KIRREL3: variants seen among roughly 807,000 people sequenced by gnomAD.
The protein encoded by KIRREL3 is kin of IRRE-like protein 3.
Under a neutral mutation model 89.7 loss-of-function variants are expected in KIRREL3, and 36 were observed. That is an observed-to-expected ratio of 0.40 (90% CI 0.31 to 0.53). The LOEUF is 0.53. Ranked by LOEUF, KIRREL3 falls within the 20% of genes least tolerant of loss-of-function variation. The pLI, the probability that KIRREL3 is intolerant of heterozygous loss-of-function variation, is 0.49. For missense variants in KIRREL3, 864 were observed against 1,056.6 expected, an observed-to-expected ratio of 0.82 and a Z score of 2.53; for synonymous variants, 445 against 441.4, an observed-to-expected ratio of 1.01 and a Z score of -0.10.
At position 126,669,303 on chromosome 11, in the gene KIRREL3, A is replaced by G. The variant is rs1489823324; in HGVS notation, c.56-106391T>C. On this transcript the variant is annotated intron_variant, in intron 1 of 16. Transcript: ENST00000525144. This position sits in a 1 kb window ranked among gnomAD's most constrained non-coding sequence, Gnocchi z 5.0. ...ACTGAGTGAAGTTTTCCTTCAGCGT[A>G]TTTCAAACACGTGCAAGATCTTCCT... Among the ~76,000 whole-genome samples the G allele has an allele frequency of 6.6e-6, 1 of 152,102 alleles. No individual in the cohort carries two copies. Among genetic ancestry groups the G allele is most frequent in the African/African-American group, 2.4e-5 (1 of 41,386 alleles).
At chr11:126,974,416 TTA>T (rs1949512401) in intron 1 of KIRREL3, among the ~76,000 whole-genome samples, 1 of 151,888 alleles carries the variant, frequency 6.6e-6, no homozygotes, top group Non-Finnish European at 1.5e-5. Context: ...GTGTAGCCTA[TTA>T]CACACCTAGG....
intron 13 of KIRREL3, 73 bp downstream of exon 13, chr11:126,435,195 G>C: frequency 6.6e-7 from 1 of 1,526,358 alleles, no homozygotes; most frequent in Admixed American, 1.7e-5. Context: ...ACCCCCTGCT[G>C]GGTTCCCTCC....
chr11:126,828,823 G>C (rs566738483), intron 1 of KIRREL3, among the ~76,000 whole-genome samples: 4 of 152,316 alleles, frequency 2.6e-5, no homozygotes, highest in Non-Finnish European at 5.9e-5. Context: ...TTTAAGATCA[G>C]AGCTTAGCCA....
intron 1 of KIRREL3, among the ~76,000 whole-genome samples, chr11:126,834,195 T>G (rs1943702700): frequency 6.6e-6 from 1 of 152,176 alleles, no homozygotes; most frequent in African/African-American, 2.4e-5. Context: ...TTTTAGTGCT[T>G]TCTGATCCCA....
In KIRREL3 at chr11:126,555,938, C is replaced by T. The variant is rs1327096729; in HGVS notation, c.133+6897G>A. 6.6e-6 allele frequency among the ~76,000 whole-genome samples: 1 copy of T among 152,100 alleles called. No individual in the cohort carries two copies. The highest frequency in any genetic ancestry group is 1.9e-4 in the East Asian group (1 of 5,172). ...TGTGTTTTTGGTAGAGGTGGGGTTTCACTATTTTGGCCAGGCTGGTCTCAA... is the reference window on the plus strand; with the variant it reads ...TGTGTTTTTGGTAGAGGTGGGGTTTTACTATTTTGGCCAGGCTGGTCTCAA... On this transcript the variant is annotated intron_variant, in intron 2 of 16. Coordinates refer to ENST00000525144, the MANE Select transcript of KIRREL3 (RefSeq NM_032531.4). This position sits in a 1 kb window ranked among gnomAD's most constrained non-coding sequence, Gnocchi z 4.2.
At chr11:126,446,045 G>GTCCT (rs1955784789) in intron 9 of KIRREL3, among the ~76,000 whole-genome samples, 1 of 151,598 alleles carries the variant, frequency 6.6e-6, no homozygotes, top group Non-Finnish European at 1.5e-5. Flanking sequence ...CTACTCAGGA[G>GTCCT]GCTGAGGCAG....
rs1274214792 is a variant in KIRREL3 at position 126,541,261 on chromosome 11, C to A, written c.134-14574G>T. Among the ~76,000 whole-genome samples the A allele has an allele frequency of 1.3e-5, 2 of 152,176 alleles. No homozygotes were observed. The highest frequency in any genetic ancestry group is 3.9e-4 in the East Asian group (2 of 5,178). On this transcript the variant is annotated intron_variant, in intron 2 of 16. Coordinates refer to ENST00000525144, the MANE Select transcript of KIRREL3 (RefSeq NM_032531.4). The surrounding 1 kb of genome is among the most constrained non-coding windows in gnomAD (Gnocchi z 4.8). ...AAGGTACCAGTTGATGCTGCCTCTGCCACCTCTTAGCTGTGTGCCCTTGGG... is the reference window on the plus strand; with the variant it reads ...AAGGTACCAGTTGATGCTGCCTCTGACACCTCTTAGCTGTGTGCCCTTGGG...
intron 2 of KIRREL3, among the ~76,000 whole-genome samples, chr11:126,560,375 A>C (rs946426928): frequency 5.9e-5 from 9 of 152,216 alleles, no homozygotes; most frequent in African/African-American, 1.9e-4. Flanking sequence ...GCACTCCCAA[A>C]TAGAGCAAAC....
chr11:126,598,194 T>C (rs1241114565), intron 1 of KIRREL3, among the ~76,000 whole-genome samples: 3 of 152,238 alleles, frequency 2.0e-5, no homozygotes, highest in African/African-American at 4.8e-5. Context: ...AAGTGCTCAG[T>C]AGTGTGTGTC....
In KIRREL3 at chr11:126,969,502, G is replaced by C. The variant is rs1304712404; in HGVS notation, c.55+30953C>G. Among the ~76,000 whole-genome samples the C allele has an allele frequency of 6.6e-6, 1 of 152,186 alleles. No individual in the cohort carries two copies. The highest frequency in any genetic ancestry group is 2.1e-4 in the South Asian group (1 of 4,822). ...TGTGAACCAGGGGAAGAGGGAGTAA[G>C]AACGTCTCCTGAGGGCGGAGGCTGT... On this transcript the variant is annotated intron_variant, in intron 1 of 16. Coordinates refer to ENST00000525144, the MANE Select transcript of KIRREL3 (RefSeq NM_032531.4). This position sits in a 1 kb window ranked among gnomAD's most constrained non-coding sequence, Gnocchi z 4.9.
At chr11:126,841,609 A>G (rs1301389708) in intron 1 of KIRREL3, among the ~76,000 whole-genome samples, 1 of 152,234 alleles carries the variant, frequency 6.6e-6, no homozygotes, top group Non-Finnish European at 1.5e-5. Context: ...TTGATCTTGT[A>G]TCCCCAGGAC....
At chr11:126,577,765 TA>T (rs371522742) in intron 1 of KIRREL3, among the ~76,000 whole-genome samples, 3,017 of 141,998 alleles carry the variant, frequency 0.021, 66 homozygotes, top group African/African-American at 0.066. Flanking sequence ...CTGTCTCAAT[TA>T]AAAAAAAAAA....
At position 126,814,886 on chromosome 11, in the gene KIRREL3, A is replaced by G. The variant is rs1382359749; in HGVS notation, c.55+185569T>C. On this transcript the variant is annotated intron_variant, in intron 1 of 16. Transcript: ENST00000525144. This position sits in a 1 kb window ranked among gnomAD's most constrained non-coding sequence, Gnocchi z 4.4. ...GCGAACCACCATGGCACACGTATCT[A>G]TGTAACAAACCTGCACATCCTGCCC... Among the ~76,000 whole-genome samples the G allele has an allele frequency of 1.3e-5, 2 of 152,314 alleles. No individual in the cohort carries two copies. Among genetic ancestry groups the G allele is most frequent in the Admixed American group, 1.3e-4 (2 of 15,298 alleles).
Position 126,677,156 on chromosome 11 carries a change from A to C in KIRREL3, c.56-114244T>G, listed in dbSNP as rs530606341. On this transcript the variant is annotated intron_variant, in intron 1 of 16. Transcript: ENST00000525144. The surrounding 1 kb of genome is among the most constrained non-coding windows in gnomAD (Gnocchi z 5.1). Reference sequence around the variant, plus strand: ...ATATTCGCAGATTTGCACAACCACCACCACAGTCCATTTAGAACCTTTTAA... The same window carrying C: ...ATATTCGCAGATTTGCACAACCACCCCCACAGTCCATTTAGAACCTTTTAA... Among the ~76,000 whole-genome samples the C allele has an allele frequency of 5.9e-5, 9 of 151,972 alleles. 1 individual carries two copies. In the South Asian group the frequency reaches 6.2e-4, roughly 11 times the overall value.
chr11:126,471,357 T>TG lies in KIRREL3; in HGVS notation c.591+1951dup, dbSNP rs1415415893. 6.8e-6 allele frequency among the ~76,000 whole-genome samples: 1 copy of TG among 148,038 alleles called. No homozygotes were observed. Among genetic ancestry groups the TG allele is most frequent in the African/African-American group, 2.5e-5 (1 of 40,220 alleles). ...TGCACTCCAGTCTGGGCAACAAGAG[T>TG]GAAACTCTGTCTCAAAATAAATAAA... On this transcript the variant is annotated intron_variant, in intron 5 of 16. Coordinates refer to ENST00000525144, the MANE Select transcript of KIRREL3 (RefSeq NM_032531.4). This position sits in a 1 kb window ranked among gnomAD's most constrained non-coding sequence, Gnocchi z 5.4.
In KIRREL3 at chr11:126,570,967, C is replaced by G. The variant is rs1429693176; in HGVS notation, c.56-8055G>C. ...TTCACCCTCACAACACCTTTATGAT[C>G]ACAGGTGTTATTCTCCTTGTTGTTA... On this transcript the variant is annotated intron_variant, in intron 1 of 16. Transcript: ENST00000525144. This position sits in a 1 kb window ranked among gnomAD's most constrained non-coding sequence, Gnocchi z 6.1. Among the ~76,000 whole-genome samples the G allele has an allele frequency of 6.6e-6, 1 of 152,184 alleles. No homozygotes were observed. The highest frequency in any genetic ancestry group is 1.5e-5 in the Non-Finnish European group (1 of 68,020).
Position 126,937,622 on chromosome 11 carries a change from C to T in KIRREL3, c.55+62833G>A, listed in dbSNP as rs528265766. ...ATGCCATAAAAAAACAGCAGTTGGC[C>T]GGGCGTGGTGGCTCATGCCTGTAAT... On this transcript the variant is annotated intron_variant, in intron 1 of 16. Transcript: ENST00000525144. 4.5e-4 allele frequency among the ~76,000 whole-genome samples: 68 copies of T among 152,298 alleles called. No homozygotes were observed. The South Asian group carries it at 0.011, about 25-fold the overall frequency.
In KIRREL3 at chr11:126,553,619, C is replaced by T. The variant is rs148551611; in HGVS notation, c.133+9216G>A. Among the ~76,000 whole-genome samples the T allele has an allele frequency of 1.1e-3, 168 of 152,310 alleles. No homozygotes were observed. The highest frequency in any genetic ancestry group is 2.2e-3 in the Admixed American group (34 of 15,308). ...GGAGCAGCTGGGGCTATCTGCGTGTCGATTCCCGTCACCTTCTGAACCTTG... is the reference window on the plus strand; with the variant it reads ...GGAGCAGCTGGGGCTATCTGCGTGTTGATTCCCGTCACCTTCTGAACCTTG... On this transcript the variant is annotated intron_variant, in intron 2 of 16. Coordinates refer to ENST00000525144, the MANE Select transcript of KIRREL3 (RefSeq NM_032531.4). This position sits in a 1 kb window ranked among gnomAD's most constrained non-coding sequence, Gnocchi z 4.7.
chr11:126,753,050 A>G (rs916695325), intron 1 of KIRREL3, among the ~76,000 whole-genome samples: 2 of 152,174 alleles, frequency 1.3e-5, no homozygotes, highest in African/African-American at 4.8e-5. Flanking sequence ...GCCCTCCACA[A>G]ATATTCTACC....
Sources: gnomAD v4.1 joint callset for allele counts (sites outside exome capture counted in the v4.1 genomes callset) on GRCh38, gnomAD v4.1.1 for gene constraint, Gnocchi (gnomAD v3.1) non-coding constraint, MANE v1.5 for transcripts, NCBI Gene and HGNC (gene_info 2026-07-23, HGNC 2026-07-21) for gene names.